TMEM38B: variants seen among roughly 807,000 people sequenced by gnomAD.
TMEM38B encodes the protein trimeric intracellular cation channel type B.
TMEM38B carries 24 observed loss-of-function variants against 28.7 expected under a neutral mutation model. The ratio of observed to expected loss-of-function variants is 0.84; its 90% CI spans 0.61 to 1.18. The LOEUF (loss-of-function observed/expected upper bound fraction) is 1.18. Ranked by LOEUF, TMEM38B falls within the 50% of genes most tolerant of loss-of-function variation. TMEM38B has a pLI of 0.00. For synonymous variants in TMEM38B, 131 were observed against 127.7 expected (o/e 1.03, Z -0.17); for missense variants, 380 against 350.9 (o/e 1.08, Z -0.66).
intron 2 of TMEM38B, among the ~76,000 whole-genome samples, chr9:105,709,277 A>G (rs1462499640): frequency 1.3e-5 from 2 of 152,190 alleles, no homozygotes; most frequent in Non-Finnish European, 2.9e-5. Flanking sequence ...CCAGTATATT[A>G]CAGTCACTGC....
intron 5 of TMEM38B, among the ~76,000 whole-genome samples, chr9:105,764,781 C>T (rs565367151): frequency 6.6e-6 from 1 of 151,490 alleles, no homozygotes; most frequent in South Asian, 2.1e-4. Context: ...CCAAGTCATC[C>T]TAAGCCAAAA....
chr9:105,705,775 C>A, intron 2 of TMEM38B, 22 bp downstream of exon 2: 1 of 1,597,462 alleles, frequency 6.3e-7, no homozygotes, highest in South Asian at 1.1e-5. Context: ...GTATGGTGAC[C>A]TATGTGACAT....
intron 1 of TMEM38B, among the ~76,000 whole-genome samples, chr9:105,703,910 G>A (rs1835550043): frequency 1.3e-5 from 2 of 151,836 alleles, no homozygotes; most frequent in Non-Finnish European, 2.9e-5. Context: ...TTTTTTTCTT[G>A]TAAATTTGTT....
At chr9:105,733,161 G>T (rs1588431560) in intron 4 of TMEM38B, among the ~76,000 whole-genome samples, 1 of 152,236 alleles carries the variant, frequency 6.6e-6, no homozygotes, top group East Asian at 1.9e-4. Context: ...CAGTTATGTG[G>T]TCAATTTTAG....
rs560443813 is a variant in TMEM38B at position 105,743,277 on chromosome 9, G to T, written c.543-4796G>T. Among the ~76,000 whole-genome samples, 4 of 152,240 alleles carry T rather than the reference G, an allele frequency of 2.6e-5. No homozygotes were observed. In the South Asian group the frequency reaches 8.3e-4, roughly 32 times the overall value. ...TTTTCTATTTTAAGCCACTGAATTT[G>T]TTGTAATTTATTGCCATAGCCACAG... On this transcript the variant is annotated intron_variant, in intron 4 of 5. Coordinates refer to ENST00000374692, the MANE Select transcript of TMEM38B (RefSeq NM_018112.3).
At chr9:105,760,605 A>G in intron 5 of TMEM38B, 1 of 770,292 alleles carries the variant, frequency 1.3e-6, no homozygotes, top group Non-Finnish European at 2.3e-6. Context: ...AAAGAAAAAA[A>G]CTAAAACAGT....
chr9:105,768,335 A>G (rs1826442931), intron 5 of TMEM38B, among the ~76,000 whole-genome samples: 1 of 152,076 alleles, frequency 6.6e-6, no homozygotes, highest in South Asian at 2.1e-4. Context: ...ATTTTTTAAA[A>G]TATTTTCAAG....
chr9:105,713,667 C>T (rs115555638), intron 2 of TMEM38B, among the ~76,000 whole-genome samples: 1,891 of 152,176 alleles, frequency 0.012, 32 homozygotes, highest in African/African-American at 0.044. Flanking sequence ...TGGAAGGGGG[C>T]GGGTTCCCAG....
intron 4 of TMEM38B, among the ~76,000 whole-genome samples, chr9:105,723,739 C>T (rs1261850967): frequency 6.6e-6 from 1 of 152,104 alleles, no homozygotes; most frequent in Non-Finnish European, 1.5e-5. Context: ...CTGTGTTGCC[C>T]AGGCTGGTCT....
At chr9:105,731,223 C>T (rs1432892289) in intron 4 of TMEM38B, among the ~76,000 whole-genome samples, 1 of 152,020 alleles carries the variant, frequency 6.6e-6, no homozygotes, top group Admixed American at 6.6e-5. Context: ...TTTCCCTCTA[C>T]ACACCACTTT....
intron 5 of TMEM38B, among the ~76,000 whole-genome samples, chr9:105,771,502 T>C (rs1826541437): frequency 6.6e-6 from 1 of 152,192 alleles, no homozygotes; most frequent in South Asian, 2.1e-4. Flanking sequence ...CCTGACACTC[T>C]TCTCTTTTGG....
chr9:105,734,792 C>T (rs957598048), intron 4 of TMEM38B, among the ~76,000 whole-genome samples: 4 of 150,732 alleles, frequency 2.7e-5, no homozygotes, highest in African/African-American at 4.9e-5. Flanking sequence ...ATATGTTTTT[C>T]ATTCATTTAC....
intron 2 of TMEM38B, among the ~76,000 whole-genome samples, chr9:105,717,686 CATT>C (rs1318270170): frequency 1.3e-5 from 2 of 152,166 alleles, no homozygotes; most frequent in East Asian, 1.9e-4. Context: ...TTGTATTCAA[CATT>C]ATGTTACTAA....
chr9:105,772,222 C>T (rs1283634534), intron 5 of TMEM38B, among the ~76,000 whole-genome samples: 1 of 152,152 alleles, frequency 6.6e-6, no homozygotes, highest in Non-Finnish European at 1.5e-5. Flanking sequence ...TTTGGATTCT[C>T]ATCCTTCTTA....
At chr9:105,766,845 C>T (rs959461893) in intron 5 of TMEM38B, among the ~76,000 whole-genome samples, 4 of 151,766 alleles carry the variant, frequency 2.6e-5, no homozygotes, top group African/African-American at 9.7e-5. Context: ...CACCCATTAA[C>T]TAGTCATTTA....
At chr9:105,759,917 T>A (rs1588467090) in intron 5 of TMEM38B, 1 of 1,596,600 alleles carries the variant, frequency 6.3e-7, no homozygotes, top group Non-Finnish European at 8.6e-7. Context: ...GAAATGATCA[T>A]GAAACCAAAT....
rs571325093 is a variant in TMEM38B, at chr9:105,722,596, G to A, written c.517G>A (p.Gly173Ser). 6.2e-7 allele frequency: 1 copy of A among 1,613,598 alleles called. No individual in the cohort carries two copies. Among genetic ancestry groups the A allele is most frequent in the East Asian group, 2.2e-5 (1 of 44,788 alleles). Residue 173 changes from glycine (G) to serine (S), a missense_variant, in exon 4 of 6, where the codon GGT (glycine) becomes AGT (serine). Coordinates refer to ENST00000374692, the MANE Select transcript of TMEM38B (RefSeq NM_018112.3). Reference protein sequence around the residue: ...RLVKGDWKPEGDEWLKMSYPA... With the variant: ...RLVKGDWKPESDEWLKMSYPA... ...GGTAAAAGGAGATTGGAAACCAGAA[G>A]GTGATGAATGGCTGAAGATGTCATA...
rs898742403 is a variant in TMEM38B at position 105,701,952 on chromosome 9, C to T, written c.113-3645C>T. ...ATCTAAGGCTGGGTGCAGTGGCTCA[C>T]GCCTGTAATCCCAGCACTTTGGGAG... is the stretch of plus-strand genomic sequence containing the variant. On this transcript the variant is annotated intron_variant, in intron 1 of 5. Transcript: ENST00000374692. Among the ~76,000 whole-genome samples the T allele has an allele frequency of 1.8e-4, 27 of 152,214 alleles. 1 individual carries two copies. In the East Asian group the frequency reaches 2.7e-3, roughly 15 times the overall value.
At chr9:105,747,414 G>T (rs1003312603) in intron 4 of TMEM38B, among the ~76,000 whole-genome samples, 1 of 152,082 alleles carries the variant, frequency 6.6e-6, no homozygotes, top group Non-Finnish European at 1.5e-5. Flanking sequence ...TGTGGGATCG[G>T]TGGTGATATC....
Sources: gnomAD v4.1 joint callset for allele counts (sites outside exome capture counted in the v4.1 genomes callset) on GRCh38, gnomAD v4.1.1 for gene constraint, MANE v1.5 for transcripts, NCBI Gene and HGNC (gene_info 2026-07-23, HGNC 2026-07-21) for gene names.